TP53BP2: variants seen among roughly 807,000 people sequenced by gnomAD.
TP53BP2 encodes the protein apoptosis-stimulating of p53 protein 2.
In TP53BP2, 62 loss-of-function variants were observed where a neutral mutation model predicts 126.2. The ratio of observed to expected loss-of-function variants is 0.49; its 90% CI spans 0.40 to 0.61. The LOEUF is 0.61. TP53BP2 is among the 20% of genes least tolerant of loss of function. The pLI, the probability that TP53BP2 is intolerant of heterozygous loss-of-function variation, is 0.00. For synonymous variants in TP53BP2, 485 were observed against 502.9 expected (o/e 0.96, Z 0.48); for missense variants, 1,215 against 1,402.8 (o/e 0.87, Z 2.14).
chr1:223,799,918 T>A lies in TP53BP2; in HGVS notation c.1466A>T (p.Asp489Val). ...GTLRKNQSSE[D>V]ILRDAQVANK... Reference sequence around the variant, plus strand: ...AGGTACCTGAGCATCCCGCAAGATATCTTCACTGCTCTGGTTCTTCCTCAG... The same window carrying A: ...AGGTACCTGAGCATCCCGCAAGATAACTTCACTGCTCTGGTTCTTCCTCAG... The change falls in exon 11 of 18, where the codon GAT (aspartate) becomes GTT (valine). Residue 489 changes from aspartate to valine, a missense_variant. Physicochemically the swap from Asp to Val is radical, Grantham distance 152. This residue lies in a region of TP53BP2 where 814 missense variants were observed against 853.0 expected (regional missense o/e 0.95). Coordinates refer to ENST00000343537, the MANE Select transcript of TP53BP2 (RefSeq NM_001031685.3). The A allele has an allele frequency of 1.9e-6, 3 of 1,596,480 alleles. No individual in the cohort carries two copies. Among genetic ancestry groups the A allele is most frequent in the South Asian group, 1.1e-5 (1 of 87,538 alleles).
At chr1:223,845,376 G>A (rs1664231377) in intron 1 of TP53BP2, 1 of 556,054 alleles carries the variant, frequency 1.8e-6, no homozygotes, top group African/African-American at 2.0e-5. Flanking sequence ...TTGAGTGGCT[G>A]CTGGGCTCGC....
intron 1 of TP53BP2, among the ~76,000 whole-genome samples, chr1:223,839,444 CACTCCCCT>C (rs1664033199): frequency 6.6e-6 from 1 of 152,188 alleles, no homozygotes; most frequent in African/African-American, 2.4e-5. Context: ...ATAAATTGTT[CACTCCCCT>C]GTGGAAGAAC....
At chr1:223,804,118 CA>C (rs1334542973) in intron 6 of TP53BP2, 55 bp downstream of exon 6, 29 of 1,554,800 alleles carry the variant, frequency 1.9e-5, no homozygotes, top group Admixed American at 4.0e-5. Context: ...GACCCTGTCT[CA>C]AAAAAACCAG....
At chr1:223,814,539 G>A (rs1260762836) in intron 2 of TP53BP2, among the ~76,000 whole-genome samples, 186 bp from the exon 3 acceptor site, 1 of 152,132 alleles carries the variant, frequency 6.6e-6, no homozygotes, top group Non-Finnish European at 1.5e-5. Flanking sequence ...CACACACAGA[G>A]TCAAGCCAGG....
At position 223,800,781 on chromosome 1, in the gene TP53BP2, A is replaced by C; in HGVS notation, c.1255T>G (p.Trp419Gly). 3 of 1,610,492 alleles carry C rather than the reference A, an allele frequency of 1.9e-6. No individual in the cohort carries two copies. The highest frequency in any genetic ancestry group is 2.5e-6 in the Non-Finnish European group (3 of 1,179,134). Residue 419 changes from tryptophan to glycine, a missense_variant, in exon 10 of 18, where the codon TGG becomes GGG. Coordinates refer to ENST00000343537, the MANE Select transcript of TP53BP2 (RefSeq NM_001031685.3). ...AAAAGATCTGCATTTGAAGGACTCC[A>C]ATCAGGGCCAACTGGATGGATTTTA... Reference protein sequence around the residue: ...GSKIHPVGPDWSPSNADLFPS... With the variant: ...GSKIHPVGPDGSPSNADLFPS...
chr1:223,781,717 T>C (rs1018937870), intron 17 of TP53BP2, among the ~76,000 whole-genome samples: 2 of 152,126 alleles, frequency 1.3e-5, no homozygotes, highest in African/African-American at 4.8e-5. Flanking sequence ...ACAGAAAATA[T>C]TACTTTTCTA....
intron 1 of TP53BP2, among the ~76,000 whole-genome samples, chr1:223,838,708 T>G (rs1198220421): frequency 6.6e-6 from 1 of 152,212 alleles, no homozygotes; most frequent in East Asian, 1.9e-4. Flanking sequence ...CGCAATTACT[T>G]TTGCACCAAC....
chr1:223,813,320 C>T (rs1359051935), intron 3 of TP53BP2, among the ~76,000 whole-genome samples: 1 of 152,164 alleles, frequency 6.6e-6, no homozygotes, highest in Non-Finnish European at 1.5e-5. Flanking sequence ...CCACCTGGGA[C>T]CACAACACTA....
chr1:223,828,662 G>A (rs1025377838), intron 1 of TP53BP2, among the ~76,000 whole-genome samples: 1 of 152,202 alleles, frequency 6.6e-6, no homozygotes, highest in Non-Finnish European at 1.5e-5. Flanking sequence ...CAAAAGGAAT[G>A]AGGTACTGAT....
rs1342166097 is a variant in TP53BP2, at chr1:223,814,310, T to C, written c.219A>G (p.Gln73=). The C allele has an allele frequency of 6.2e-7, 1 of 1,613,950 alleles. No homozygotes were observed. The highest frequency in any genetic ancestry group is 1.1e-5 in the South Asian group (1 of 91,084). ...ADNERMFDVL[Q]RFGSQRNEVR... ...CTTCGTTCCTCTGACTTCCAAATCG[T>C]TGAAGAACATCAAACATTCGCTCAT... is the stretch of plus-strand genomic sequence containing the variant. The change falls in exon 3 of 18, where the codon CAA becomes CAG. Residue 73 remains glutamine (Q), a synonymous_variant. Coordinates refer to ENST00000343537, the MANE Select transcript of TP53BP2 (RefSeq NM_001031685.3).
chr1:223,796,391 G>T lies in TP53BP2; in HGVS notation c.2148C>A (p.Tyr716Ter). The T allele has an allele frequency of 6.2e-7, 1 of 1,614,190 alleles. No homozygotes were observed. The highest frequency in any genetic ancestry group is 8.5e-7 in the Non-Finnish European group (1 of 1,180,042). The change falls in exon 13 of 18, where the codon TAC becomes TAA. Residue 716 changes from tyrosine (Y) to a stop codon, truncating the protein, a stop_gained. Transcript: ENST00000343537. LOFTEE classifies it high-confidence loss of function. This position sits in a 1 kb window ranked among gnomAD's most constrained non-coding sequence, Gnocchi z 4.2. Reference protein sequence around the residue: ...TKLLPFLSNPYRNQSDADLEA... With the variant: ...TKLLPFLSNP ...CTAGGTCAGCATCACTCTGGTTTCG[G>T]TAAGGATTAGATAAGAAAGGCAGTA...
chr1:223,843,906 T>C (rs1478886186), intron 1 of TP53BP2, among the ~76,000 whole-genome samples: 1 of 152,212 alleles, frequency 6.6e-6, no homozygotes, highest in South Asian at 2.1e-4. Context: ...AATCTGAGAA[T>C]CTCCACTTTA....
Position 223,798,223 on chromosome 1 carries a change from A to T in TP53BP2, c.1940T>A (p.Phe647Tyr). 1 of 1,611,888 alleles carries T rather than the reference A, an allele frequency of 6.2e-7. No homozygotes were observed. Among genetic ancestry groups the T allele is most frequent in the Non-Finnish European group, 8.5e-7 (1 of 1,178,638 alleles). The change falls in exon 12 of 18, where the codon TTT becomes TAT. Residue 647 changes from phenylalanine to tyrosine, a missense_variant. Physicochemically the swap from Phe to Tyr is conservative, Grantham distance 22. Transcript: ENST00000343537. ...AACGTTAAGAACCTTACCACTTGAA[A>T]AGTGTGGCCCTCTGGTATGAGTCTT... ...LTKTHTRGPH[F>Y]SSVYGKPVIA...
At chr1:223,842,819 G>A (rs924471852) in intron 1 of TP53BP2, among the ~76,000 whole-genome samples, 11 of 152,086 alleles carry the variant, frequency 7.2e-5, no homozygotes, top group Non-Finnish European at 5.9e-5. Flanking sequence ...TACAACATGC[G>A]GATCACTAAA....
At chr1:223,793,525 C>A (rs1248653572) in intron 13 of TP53BP2, 85 bp from the exon 14 acceptor site, 5 of 1,308,604 alleles carry the variant, frequency 3.8e-6, no homozygotes, top group Middle Eastern at 2.0e-4. Flanking sequence ...GACTTCTCAC[C>A]TAAATTAGTG....
chr1:223,841,365 C>G (rs1202510688), intron 1 of TP53BP2, among the ~76,000 whole-genome samples: 1 of 152,060 alleles, frequency 6.6e-6, no homozygotes, highest in African/African-American at 2.4e-5. Context: ...CTTTAGGGAC[C>G]TAATCTAAAC....
intron 12 of TP53BP2, among the ~76,000 whole-genome samples, chr1:223,797,022 AATT>A (rs1354486827): frequency 2.6e-5 from 4 of 152,236 alleles, no homozygotes; most frequent in African/African-American, 9.6e-5. Context: ...TGGCTTATAA[AATT>A]ATTAAGAACC....
At chr1:223,792,850 T>G (rs1191718856) in intron 14 of TP53BP2, among the ~76,000 whole-genome samples, 1 of 146,406 alleles carries the variant, frequency 6.8e-6, no homozygotes, top group Non-Finnish European at 1.5e-5. Flanking sequence ...GAAGTTGCAT[T>G]TGCTATGGAA....
intron 15 of TP53BP2, among the ~76,000 whole-genome samples, chr1:223,789,591 C>A (rs749222915): frequency 6.6e-6 from 1 of 152,132 alleles, no homozygotes; most frequent in Non-Finnish European, 1.5e-5. Context: ...AAAACACTGG[C>A]CTTTAAATAT....
Sources: gnomAD v4.1 joint callset for allele counts (sites outside exome capture counted in the v4.1 genomes callset) on GRCh38, gnomAD v4.1.1 for gene constraint, gnomAD v4.1.1 regional missense constraint, Gnocchi (gnomAD v3.1) non-coding constraint, MANE v1.5 for transcripts, NCBI Gene and HGNC (gene_info 2026-07-23, HGNC 2026-07-21) for gene names.